The following FOCAD variants were observed in gnomAD, a reference collection of about 807,000 sequenced individuals.
The protein encoded by FOCAD is KIAA1797.
FOCAD carries 198 observed loss-of-function variants against 225.6 expected under a neutral mutation model. The ratio of observed to expected loss-of-function variants is 0.88; its 90% CI spans 0.78 to 0.99. FOCAD has a LOEUF of 0.99. Ranked by LOEUF, FOCAD falls within the 50% of genes least tolerant of loss-of-function variation. FOCAD has a pLI of 0.00. For synonymous variants in FOCAD, 897 were observed against 755.0 expected (o/e 1.19, Z -3.08); for missense variants, 2,713 against 2,123.6 (o/e 1.28, Z -5.46).
intron 1 of FOCAD, among the ~76,000 whole-genome samples, chr9:20,713,801 C>T (rs1210275195): frequency 6.6e-6 from 1 of 152,200 alleles, no homozygotes; most frequent in Non-Finnish European, 1.5e-5. Flanking sequence ...TTCCCAGGGA[C>T]ACACTTTAGG....
intron 15 of FOCAD, among the ~76,000 whole-genome samples, chr9:20,840,660 A>G (rs1826432532): frequency 6.6e-6 from 1 of 151,026 alleles, no homozygotes; most frequent in Non-Finnish European, 1.5e-5. Context: ...CCAATATAAG[A>G]TTATATCAAC....
At chr9:20,666,597 A>G (rs931364758) in intron 2 of FOCAD, among the ~76,000 whole-genome samples, 1 of 152,068 alleles carries the variant, frequency 6.6e-6, no homozygotes, top group African/African-American at 2.4e-5. Context: ...AAACTGTCTT[A>G]CTCTTACTCA....
intron 1 of FOCAD, among the ~76,000 whole-genome samples, chr9:20,713,746 G>A (rs778290907): frequency 2.0e-5 from 3 of 152,136 alleles, no homozygotes; most frequent in Admixed American, 6.5e-5. Flanking sequence ...ATATATGTCC[G>A]CATAGAATCT....
At chr9:20,875,911 A>C (rs1414060246) in intron 19 of FOCAD, 1 of 152,164 alleles carries the variant, frequency 6.6e-6, no homozygotes, top group Non-Finnish European at 1.5e-5. Context: ...ATGTTCGTGG[A>C]TATAAAAATT....
Position 20,990,325 on chromosome 9 carries a change from G to A in FOCAD, c.5207G>A (p.Ser1736Asn). 6.2e-7 allele frequency: 1 copy of A among 1,614,002 alleles called. No individual in the cohort carries two copies. Among genetic ancestry groups the A allele is most frequent in the Non-Finnish European group, 8.5e-7 (1 of 1,179,980 alleles). Residue 1736 changes from serine (S) to asparagine (N), a missense_variant, in exon 42 of 44, where the codon AGC (serine) becomes AAC (asparagine). Transcript: ENST00000338382. ...GAGGTTCTCACTCTCCTTCCCAATA[G>A]CATGGCTCTGCTGCTGCAGAAAGAG... Reference protein sequence around the residue: ...LQEVLTLLPNSMALLLQKEPW... With the variant: ...LQEVLTLLPNNMALLLQKEPW...
At chr9:20,716,477 T>A (rs1360497686) in intron 2 of FOCAD, among the ~76,000 whole-genome samples, 1 of 152,198 alleles carries the variant, frequency 6.6e-6, no homozygotes, top group Non-Finnish European at 1.5e-5. Context: ...ATCTCTGATT[T>A]GTTAGAAGAT....
chr9:20,749,039 A>G (rs1828311374), intron 5 of FOCAD, among the ~76,000 whole-genome samples: 1 of 151,940 alleles, frequency 6.6e-6, no homozygotes, highest in African/African-American at 2.4e-5. Flanking sequence ...TCCCCCAGTG[A>G]TCATAGCACA....
chr9:20,808,490 T>G (rs1471921647), intron 11 of FOCAD, among the ~76,000 whole-genome samples: 2 of 152,204 alleles, frequency 1.3e-5, no homozygotes, highest in Non-Finnish European at 2.9e-5. Flanking sequence ...CGAGTATTCT[T>G]TGCCTAGAAA....
At chr9:20,902,178 C>T (rs1832614768) in intron 21 of FOCAD, among the ~76,000 whole-genome samples, 1 of 151,860 alleles carries the variant, frequency 6.6e-6, no homozygotes, top group Non-Finnish European at 1.5e-5. Flanking sequence ...AGAACATGAC[C>T]TCTGCTCCTT....
chr9:20,943,014 C>T (rs1836821159), intron 28 of FOCAD, among the ~76,000 whole-genome samples: 1 of 152,126 alleles, frequency 6.6e-6, no homozygotes, highest in Non-Finnish European at 1.5e-5. Context: ...CAAATTTTGT[C>T]TAATTATATC....
chr9:20,873,606 G>C (rs941305599), intron 18 of FOCAD, among the ~76,000 whole-genome samples: 2 of 152,094 alleles, frequency 1.3e-5, no homozygotes, highest in Non-Finnish European at 2.9e-5. Flanking sequence ...CGGGTAGTCA[G>C]GTTGCTTTCA....
At chr9:20,946,577 G>T in intron 29 of FOCAD, 124 bp from the exon 30 acceptor site, 1 of 1,035,494 alleles carries the variant, frequency 9.7e-7, no homozygotes, top group Non-Finnish European at 1.4e-6. Flanking sequence ...CCCAATCCAT[G>T]GTAAATGTAT....
At chr9:20,932,318 A>G (rs939846582) in intron 27 of FOCAD, among the ~76,000 whole-genome samples, 1 of 152,140 alleles carries the variant, frequency 6.6e-6, no homozygotes, top group Non-Finnish European at 1.5e-5. Flanking sequence ...TCCACTTACC[A>G]TGATCTGAAG....
chr9:20,694,626 T>A (rs1207751626), intron 1 of FOCAD: 1 of 152,182 alleles, frequency 6.6e-6, no homozygotes, highest in Non-Finnish European at 1.5e-5. Context: ...TTTTTTAAAA[T>A]TTTCTTTTAT....
intron 18 of FOCAD, among the ~76,000 whole-genome samples, chr9:20,868,928 A>G (rs1451412363): frequency 6.6e-6 from 1 of 152,092 alleles, no homozygotes; most frequent in Non-Finnish European, 1.5e-5. Context: ...TCTTCTTTTC[A>G]TTGATTGCTA....
intron 43 of FOCAD, 26 bp downstream of exon 43, chr9:20,993,354 A>G (rs1386146518): frequency 1.9e-6 from 3 of 1,572,316 alleles, no homozygotes; most frequent in South Asian, 1.1e-5. Flanking sequence ...TTTATGCTCA[A>G]CATAGGGGAA....
At chr9:20,824,337 A>T (rs1418215466) in intron 15 of FOCAD, among the ~76,000 whole-genome samples, 1 of 152,006 alleles carries the variant, frequency 6.6e-6, no homozygotes, top group African/African-American at 2.4e-5. Context: ...AAAGGTGACC[A>T]TTTTTACTGT....
intron 21 of FOCAD, among the ~76,000 whole-genome samples, chr9:20,905,499 C>T (rs531773086): frequency 6.6e-5 from 10 of 151,880 alleles, no homozygotes; most frequent in Admixed American, 2.6e-4. Context: ...ATGGATTATT[C>T]GGCAAAAATT....
In FOCAD at chr9:20,986,396, A is replaced by C. The variant is rs1473650853; in HGVS notation, c.4837A>C (p.Lys1613Gln). ...GAGCGTTGCTGTGCAGCACCGTGAG[A>C]AAGAGGTGTTGGCCTGGATGATTCT... Reference protein sequence around the residue: ...MLSVAVQHREKEVLAWMILHS... With the variant: ...MLSVAVQHREQEVLAWMILHS... The change falls in exon 40 of 44, where the codon AAA (lysine) becomes CAA (glutamine). Residue 1613 changes from lysine to glutamine, a missense_variant. By Grantham distance (53) the Lys-to-Gln change is moderately conservative. Transcript: ENST00000338382. 6.2e-7 allele frequency: 1 copy of C among 1,612,174 alleles called. No homozygotes were observed. The highest frequency in any genetic ancestry group is 1.7e-5 in the Admixed American group (1 of 59,794).
Sources: gnomAD v4.1 joint callset for allele counts (sites outside exome capture counted in the v4.1 genomes callset) on GRCh38, gnomAD v4.1.1 for gene constraint, MANE v1.5 for transcripts, NCBI Gene and HGNC (gene_info 2026-07-23, HGNC 2026-07-21) for gene names.